The following ZNF678 variants were observed in gnomAD, a reference collection of about 807,000 sequenced individuals.
The protein encoded by ZNF678 is hypothetical protein MGC42493.
In ZNF678, 5 loss-of-function variants were observed where a neutral mutation model predicts 3.0. The observed-to-expected ratio is 1.69, with a 90% confidence interval of 0.88 to 3.56. The LOEUF is 3.56. ZNF678 is among the 30% of genes most tolerant of loss of function. The pLI, the probability that ZNF678 is intolerant of heterozygous loss-of-function variation, is 0.00. For synonymous variants in ZNF678, 218 were observed against 199.6 expected (o/e 1.09, Z -0.78); for missense variants, 593 against 605.0 (o/e 0.98, Z 0.21).
At chr1:227,643,837 T>C (rs1658884266) in intron 1 of ZNF678, among the ~76,000 whole-genome samples, 1 of 150,970 alleles carries the variant, frequency 6.6e-6, no homozygotes, top group Non-Finnish European at 1.5e-5. Context: ...AGCTTTTATT[T>C]TATATATTTT....
chr1:227,639,303 G>T (rs917738482), intron 1 of ZNF678, among the ~76,000 whole-genome samples: 1 of 152,220 alleles, frequency 6.6e-6, no homozygotes, highest in African/African-American at 2.4e-5. Flanking sequence ...CCAGCAGGGG[G>T]CCCCTGATGG....
intron 1 of ZNF678, among the ~76,000 whole-genome samples, chr1:227,565,054 C>CTTTTTTT (rs56226010): frequency 6.1e-5 from 2 of 32,730 alleles, no homozygotes; most frequent in African/African-American, 1.2e-4. Context: ...CCCTACCCGG[C>CTTTTTTT]TTTTTTTTTT....
chr1:227,654,382 G>T lies in ZNF678; in HGVS notation c.132G>T (p.Met44Ile), dbSNP rs761707208. ...AAGACCTTTTGCCAGAGCAGGATAT[G>T]AAAGATTTATGCCAAAAAGTGACAC... Reference protein sequence around the residue: ...SIQDLLPEQDMKDLCQKVTLT... With the variant: ...SIQDLLPEQDIKDLCQKVTLT... Residue 44 changes from methionine (M) to isoleucine (I), a missense_variant, in exon 4 of 4, where the codon ATG (methionine) becomes ATT (isoleucine). Physicochemically the swap from Met to Ile is conservative, Grantham distance 10. Transcript: ENST00000343776. 1.2e-6 allele frequency: 2 copies of T among 1,600,438 alleles called. No homozygotes were observed. The highest frequency in any genetic ancestry group is 1.7e-6 in the Non-Finnish European group (2 of 1,174,570).
intron 5 of ZNF678, among the ~76,000 whole-genome samples, chr1:227,673,307 G>A (rs2102821789): frequency 6.6e-6 from 1 of 152,332 alleles, no homozygotes; most frequent in Middle Eastern, 3.4e-3. Context: ...GAGGGCTCAA[G>A]ACTGCTGCTG....
intron 2 of ZNF678, among the ~76,000 whole-genome samples, chr1:227,648,897 C>T (rs1029194588): frequency 3.9e-5 from 6 of 152,126 alleles, no homozygotes; most frequent in Non-Finnish European, 5.9e-5. Flanking sequence ...TGCCAACTCC[C>T]TCTGTACTCT....
chr1:227,593,579 G>A (rs1657476634), intron 1 of ZNF678, among the ~76,000 whole-genome samples: 2 of 151,970 alleles, frequency 1.3e-5, no homozygotes, highest in Non-Finnish European at 2.9e-5. Context: ...GGGTCAGGAG[G>A]GACAGAAGTA....
chr1:227,672,910 A>G (rs1046719083), intron 5 of ZNF678, among the ~76,000 whole-genome samples: 4 of 152,174 alleles, frequency 2.6e-5, no homozygotes, highest in African/African-American at 9.7e-5. Flanking sequence ...ATCCTTAAAG[A>G]TAACTGTGGT....
At chr1:227,598,559 C>G in intron 1 of ZNF678, 1 of 800,362 alleles carries the variant, frequency 1.2e-6, no homozygotes, top group Non-Finnish European at 1.9e-6. Context: ...TTGCTCGTAC[C>G]TCCTCAGTAA....
At chr1:227,596,372 G>A (rs377550851) in intron 1 of ZNF678, among the ~76,000 whole-genome samples, 6 of 152,144 alleles carry the variant, frequency 3.9e-5, no homozygotes, top group African/African-American at 4.8e-5. Flanking sequence ...CTGAAGAGCC[G>A]AGCTCCCTGA....
chr1:227,565,771 A>G (rs1367674793), intron 1 of ZNF678, among the ~76,000 whole-genome samples: 1 of 151,436 alleles, frequency 6.6e-6, no homozygotes, highest in Non-Finnish European at 1.5e-5. Flanking sequence ...ATTTTTATTT[A>G]TTTTTTGAGA....
intron 1 of ZNF678, among the ~76,000 whole-genome samples, chr1:227,611,384 A>G (rs1408150655): frequency 6.6e-6 from 1 of 152,230 alleles, no homozygotes; most frequent in Non-Finnish European, 1.5e-5. Context: ...AGAGTAAGGA[A>G]GGCAGGCAGA....
In ZNF678 at chr1:227,660,950, C is replaced by T. The variant is rs1255636730; in HGVS notation, c.*5122C>T. On this transcript the variant is annotated 3_prime_UTR_variant, in exon 4 of 4. Transcript: ENST00000343776. Reference sequence around the variant, plus strand: ...TTCTAAAATTCTTTTTCTGCATTCACTTAAAAGTTATAATTGGTTCTGAGA... The same window carrying T: ...TTCTAAAATTCTTTTTCTGCATTCATTTAAAAGTTATAATTGGTTCTGAGA... 6.6e-6 allele frequency: 1 copy of T among 152,126 alleles called. No individual in the cohort carries two copies. The highest frequency in any genetic ancestry group is 1.5e-5 in the Non-Finnish European group (1 of 68,012). 9.4% of individuals were successfully genotyped at this position (152,126 alleles called of 1,614,324 possible). A position where few individuals can be genotyped will look rare whatever the true frequency, so the allele number is the denominator to read the frequency against.
intron 1 of ZNF678, among the ~76,000 whole-genome samples, chr1:227,610,302 T>A (rs561243935): frequency 6.6e-6 from 1 of 152,334 alleles, no homozygotes; most frequent in South Asian, 2.1e-4. Context: ...AGAATAATAT[T>A]TCCACATACT....
intron 1 of ZNF678, among the ~76,000 whole-genome samples, chr1:227,611,024 G>A (rs774893658): frequency 6.6e-6 from 1 of 152,200 alleles, no homozygotes; most frequent in African/African-American, 2.4e-5. Flanking sequence ...CTGCAACTTG[G>A]TTTACTGTTA....
chr1:227,624,642 G>A, intron 1 of ZNF678, among the ~76,000 whole-genome samples: 1 of 152,332 alleles, frequency 6.6e-6, no homozygotes, highest in Non-Finnish European at 1.5e-5. Flanking sequence ...GGAACCTTGG[G>A]CCATGCAGTG....
At chr1:227,651,612 C>G (rs965878943) in intron 3 of ZNF678, among the ~76,000 whole-genome samples, 1 of 152,150 alleles carries the variant, frequency 6.6e-6, no homozygotes, top group Non-Finnish European at 1.5e-5. Context: ...GCCATTTCCT[C>G]GTCTGTAGCC....
chr1:227,668,435 AT>A (rs1659544976), intron 5 of ZNF678, among the ~76,000 whole-genome samples: 1 of 152,222 alleles, frequency 6.6e-6, no homozygotes, highest in Non-Finnish European at 1.5e-5. Context: ...TCTCAGTAAA[AT>A]TTATAACAGT....
chr1:227,592,620 A>G (rs950125009), intron 1 of ZNF678, among the ~76,000 whole-genome samples: 2 of 152,248 alleles, frequency 1.3e-5, no homozygotes, highest in African/African-American at 4.8e-5. Flanking sequence ...CTACATTTTT[A>G]TTAACTGTCA....
rs1054714977 is a variant in ZNF678 at position 227,661,241 on chromosome 1, A to G, written c.*5413A>G. On this transcript the variant is annotated 3_prime_UTR_variant, in exon 4 of 4. Transcript: ENST00000343776. ...AATAAATCTCAACCAGAACCTTCTCAGATATTTTGTTGAACGTGGGACCTT... is the reference window on the plus strand; with the variant it reads ...AATAAATCTCAACCAGAACCTTCTCGGATATTTTGTTGAACGTGGGACCTT... 1.3e-5 allele frequency: 2 copies of G among 152,076 alleles called. No individual in the cohort carries two copies. Among genetic ancestry groups the G allele is most frequent in the African/African-American group, 4.8e-5 (2 of 41,378 alleles). The allele number at this position is 152,076 out of a possible 1,614,324, so 9.4% of individuals were successfully genotyped here.
Sources: gnomAD v4.1 joint callset for allele counts (sites outside exome capture counted in the v4.1 genomes callset) on GRCh38, gnomAD v4.1.1 for gene constraint, MANE v1.5 for transcripts, NCBI Gene and HGNC (gene_info 2026-07-23, HGNC 2026-07-21) for gene names.